Variants in PTPRO observed in about 807,000 individuals in gnomAD.
PTPRO encodes protein tyrosine phosphatase receptor type O.
A neutral mutation model predicts 145.2 loss-of-function variants in PTPRO; 62 were observed. The observed-to-expected ratio is 0.43, with a 90% CI of 0.35 to 0.53. The LOEUF (loss-of-function observed/expected upper bound fraction) is 0.53, where lower values mean the gene tolerates loss of function less well. Among genes scored for constraint, PTPRO ranks in the 20% least tolerant of loss-of-function variants. The pLI is 0.01. For missense variants in PTPRO, 1,345 were observed against 1,482.7 expected, an observed-to-expected ratio of 0.91 and a Z score of 1.53; for synonymous variants, 565 against 514.7, an observed-to-expected ratio of 1.10 and a Z score of -1.32.
intron 19 of PTPRO, among the ~76,000 whole-genome samples, chr12:15,576,754 A>T (rs1944194433): frequency 6.6e-6 from 1 of 152,246 alleles, no homozygotes; most frequent in African/African-American, 2.4e-5. Flanking sequence ...GGTGTGGAGA[A>T]ATTACTAGCC....
chr12:15,360,097 C>G (rs1938128279), intron 1 of PTPRO, among the ~76,000 whole-genome samples: 1 of 152,178 alleles, frequency 6.6e-6, no homozygotes, highest in African/African-American at 2.4e-5. Flanking sequence ...AATGTGGGCC[C>G]TTCCCTCTAT....
At chr12:15,343,691 AT>A (rs1242478906) in intron 1 of PTPRO, among the ~76,000 whole-genome samples, 1 of 152,170 alleles carries the variant, frequency 6.6e-6, no homozygotes, top group Non-Finnish European at 1.5e-5. Flanking sequence ...TGTCTCAAAA[AT>A]AAATATATAT....
chr12:15,408,156 T>C (rs528716982), intron 1 of PTPRO, among the ~76,000 whole-genome samples: 21 of 152,186 alleles, frequency 1.4e-4, no homozygotes, highest in African/African-American at 5.1e-4. Context: ...TCTGTGGGGG[T>C]GGGTGATTTT....
chr12:15,405,169 A>G (rs1397394405), intron 1 of PTPRO, among the ~76,000 whole-genome samples: 1 of 152,220 alleles, frequency 6.6e-6, no homozygotes, highest in Non-Finnish European at 1.5e-5. Flanking sequence ...CATAGCAGAT[A>G]GTTAAGTAAA....
At chr12:15,456,089 T>C (rs758486863) in intron 1 of PTPRO, among the ~76,000 whole-genome samples, 7 of 152,260 alleles carry the variant, frequency 4.6e-5, no homozygotes, top group Non-Finnish European at 7.3e-5. Context: ...GCATTGAGTA[T>C]AATGTTAACT....
chr12:15,474,773 A>C (rs896659828), intron 1 of PTPRO, among the ~76,000 whole-genome samples: 3 of 152,200 alleles, frequency 2.0e-5, no homozygotes, highest in African/African-American at 7.2e-5. Context: ...TTCCTGCTCT[A>C]CTTCTCAGCA....
chr12:15,580,573 T>C (rs1178354822), intron 21 of PTPRO, 124 bp from the exon 22 acceptor site: 1 of 1,081,658 alleles, frequency 9.2e-7, no homozygotes, highest in Non-Finnish European at 1.4e-6. Context: ...AAACATTACA[T>C]AGGTGTGTGA....
chr12:15,592,415 G>A (rs1229758658), intron 25 of PTPRO, among the ~76,000 whole-genome samples: 1 of 152,058 alleles, frequency 6.6e-6, no homozygotes, highest in Non-Finnish European at 1.5e-5. Context: ...TCCCATCACT[G>A]GTATCTAATT....
chr12:15,393,828 T>G (rs1188530775), intron 1 of PTPRO, among the ~76,000 whole-genome samples: 1 of 152,106 alleles, frequency 6.6e-6, no homozygotes, highest in Non-Finnish European at 1.5e-5. Context: ...GAAATCTATT[T>G]CTTACAATTT....
chr12:15,441,238 T>C (rs61908022), intron 1 of PTPRO, among the ~76,000 whole-genome samples: 4,373 of 152,242 alleles, frequency 0.029, 226 homozygotes, highest in African/African-American at 0.099. Flanking sequence ...AAGTAAATAA[T>C]TTGATCCTGA....
At chr12:15,588,215 C>G (rs924667365) in intron 24 of PTPRO, among the ~76,000 whole-genome samples, 1 of 152,178 alleles carries the variant, frequency 6.6e-6, no homozygotes, top group African/African-American at 2.4e-5. Context: ...CAGGTGCTCA[C>G]CCAATGGCAG....
At chr12:15,571,264 A>C (rs902364743) in intron 19 of PTPRO, among the ~76,000 whole-genome samples, 10 of 151,844 alleles carry the variant, frequency 6.6e-5, no homozygotes, top group Non-Finnish European at 1.3e-4. Flanking sequence ...AACAACAAAC[A>C]ACCTCTTTTT....
At chr12:15,578,137 C>A (rs1944226546) in intron 19 of PTPRO, among the ~76,000 whole-genome samples, 1 of 152,058 alleles carries the variant, frequency 6.6e-6, no homozygotes, top group African/African-American at 2.4e-5. Flanking sequence ...ACTGTTAATC[C>A]CATACTTTGT....
chr12:15,553,854 T>A (rs1168272547), intron 15 of PTPRO, among the ~76,000 whole-genome samples: 2 of 152,092 alleles, frequency 1.3e-5, no homozygotes, highest in African/African-American at 4.8e-5. Context: ...AGCCATCAGA[T>A]TCTGGACATA....
chr12:15,569,334 T>G, intron 18 of PTPRO, 83 bp from the exon 19 acceptor site: 2 of 1,229,130 alleles, frequency 1.6e-6, no homozygotes, highest in Non-Finnish European at 2.4e-6. Flanking sequence ...CCAAGAAGAT[T>G]AAGAAGTATG....
chr12:15,372,447 C>A (rs973470436), intron 1 of PTPRO, among the ~76,000 whole-genome samples: 7 of 152,152 alleles, frequency 4.6e-5, no homozygotes, highest in Non-Finnish European at 8.8e-5. Context: ...TTTCAAAACC[C>A]AGTCCCTCTT....
At chr12:15,517,451 C>G (rs1349148806) in intron 9 of PTPRO, among the ~76,000 whole-genome samples, 2 of 152,162 alleles carry the variant, frequency 1.3e-5, no homozygotes, top group Non-Finnish European at 2.9e-5. Flanking sequence ...CCTCCCAAAT[C>G]TCATGTCCTC....
intron 23 of PTPRO, 28 bp from the exon 24 acceptor site, chr12:15,586,869 T>C (rs1486062546): frequency 6.2e-7 from 1 of 1,613,854 alleles, no homozygotes. Flanking sequence ...GAAAAATTAA[T>C]GCTTGTTTTT....
At chr12:15,580,970 C>A in intron 22 of PTPRO, 139 bp downstream of exon 22, 1 of 1,228,308 alleles carries the variant, frequency 8.1e-7, no homozygotes. Flanking sequence ...ATTCGGGAAG[C>A]AAGAATTAGA....
Sources: gnomAD v4.1 joint callset for allele counts (sites outside exome capture counted in the v4.1 genomes callset) on GRCh38, gnomAD v4.1.1 for gene constraint, MANE v1.5 for transcripts, NCBI Gene and HGNC (gene_info 2026-07-23, HGNC 2026-07-21) for gene names.